TARS3: variants seen among roughly 807,000 people sequenced by gnomAD.
The protein encoded by TARS3 is threonine--tRNA ligase 2, cytoplasmic.
In TARS3, 94 loss-of-function variants were observed where a neutral mutation model predicts 103.5. The observed-to-expected ratio is 0.91, with a 90% CI of 0.77 to 1.08. The LOEUF (loss-of-function observed/expected upper bound fraction) is 1.08. Among genes scored for constraint, TARS3 ranks in the 50% least tolerant of loss-of-function variants. TARS3 has a pLI of 0.00. For missense variants in TARS3, 952 were observed against 995.2 expected (o/e 0.96, Z 0.58); for synonymous variants, 416 against 355.4 (o/e 1.17, Z -1.92).
intron 11 of TARS3, 52 bp from the exon 12 acceptor site, chr15:101,684,289 TA>T: frequency 6.9e-7 from 1 of 1,459,606 alleles, no homozygotes; most frequent in Non-Finnish European, 9.2e-7. Flanking sequence ...AAATATTAAA[TA>T]ATTATCTAAA....
rs1898362900 is a variant in TARS3, at chr15:101,684,055, C to T, written c.1650+20G>A. 3 of 1,604,892 alleles carry T rather than the reference C, an allele frequency of 1.9e-6. No individual in the cohort carries two copies. The highest frequency in any genetic ancestry group is 1.7e-6 in the Non-Finnish European group (2 of 1,174,632). On this transcript the variant is annotated intron_variant, in intron 12 of 18. Transcript: ENST00000335968. ...CACTCAATTTGTGACCACACTGCTT[C>T]ACTCTGTGTTATTGTTTACCTGCTC...
intron 10 of TARS3, among the ~76,000 whole-genome samples, chr15:101,690,761 T>C (rs1295234413): frequency 6.6e-6 from 1 of 152,192 alleles, no homozygotes; most frequent in Non-Finnish European, 1.5e-5. Context: ...TGCAGTAAAG[T>C]TTTTTTCTAT....
At chr15:101,669,812 A>G (rs1897726900) in intron 15 of TARS3, among the ~76,000 whole-genome samples, 1 of 152,256 alleles carries the variant, frequency 6.6e-6, no homozygotes, top group African/African-American at 2.4e-5. Flanking sequence ...TGATGTTCAC[A>G]CAGTGAACAA....
intron 4 of TARS3, 45 bp from the exon 5 acceptor site, chr15:101,712,046 C>A (rs751304110): frequency 1.1e-5 from 17 of 1,568,462 alleles, no homozygotes. Flanking sequence ...AAAAGTATGT[C>A]ATGGAAAATT....
intron 10 of TARS3, among the ~76,000 whole-genome samples, chr15:101,689,756 G>A (rs575686584): frequency 1.1e-4 from 16 of 152,140 alleles, no homozygotes; most frequent in Non-Finnish European, 2.1e-4. Context: ...CTCCAAAACT[G>A]GGAGATAATA....
At chr15:101,659,119 A>G (rs1450608787) in intron 16 of TARS3, among the ~76,000 whole-genome samples, 1 of 152,212 alleles carries the variant, frequency 6.6e-6, no homozygotes, top group Non-Finnish European at 1.5e-5. Context: ...ACAACATGCG[A>G]ACCTACAATT....
chr15:101,676,974 G>A (rs528320789), intron 12 of TARS3, among the ~76,000 whole-genome samples: 6 of 152,026 alleles, frequency 3.9e-5, no homozygotes, highest in South Asian at 2.1e-4. Context: ...TCTTCCCTCC[G>A]ACAGGCCCCA....
At chr15:101,661,606 CATG>C in intron 16 of TARS3, 103 bp downstream of exon 16, 1 of 720,708 alleles carries the variant, frequency 1.4e-6, no homozygotes, top group East Asian at 3.1e-5. Flanking sequence ...TTCTTTTACA[CATG>C]ATTTTTTAAG....
intron 13 of TARS3, among the ~76,000 whole-genome samples, chr15:101,673,998 G>A (rs544838637): frequency 6.6e-6 from 1 of 152,074 alleles, no homozygotes; most frequent in Admixed American, 6.5e-5. Context: ...ACCCGCAGTC[G>A]ACTGCAGTCT....
chr15:101,724,338 C>A lies in TARS3; in HGVS notation c.50G>T (p.Arg17Leu). 6.4e-7 allele frequency: 1 copy of A among 1,556,012 alleles called. No individual in the cohort carries two copies. The highest frequency in any genetic ancestry group is 8.6e-7 in the Non-Finnish European group (1 of 1,157,640). ...AAEAVASRLE[R>L]QEEDIRWLWS... ...CAGCCAGCGGATGTCCTCCTCCTGC[C>A]GCTCCAGGCGCGACGCCACGGCCTC... is the stretch of plus-strand genomic sequence containing the variant. Residue 17 changes from arginine (R) to leucine (L), a missense_variant, in exon 1 of 19, where the codon CGG becomes CTG. Physicochemically the swap from Arg to Leu is moderately radical, Grantham distance 102 (BLOSUM62 -2). Around this residue, in one of 2 missense-constraint regions of TARS3, gnomAD observed 412 missense variants for 364.2 expected, o/e 1.13. Coordinates refer to ENST00000335968, the MANE Select transcript of TARS3 (RefSeq NM_152334.3).
In TARS3 at chr15:101,724,141, C is replaced by T. The variant is rs1300751333; in HGVS notation, c.247G>A (p.Ala83Thr). 4 of 1,448,328 alleles carry T rather than the reference C, an allele frequency of 2.8e-6. No individual in the cohort carries two copies. Among genetic ancestry groups the T allele is most frequent in the Non-Finnish European group, 2.7e-6 (3 of 1,100,920 alleles). 89.7% of individuals were successfully genotyped at this position (1,448,328 alleles called of 1,614,324 possible). A position where few individuals can be genotyped will look rare whatever the true frequency, so the allele number is the denominator to read the frequency against. Residue 83 changes from alanine to threonine, a missense_variant, in exon 1 of 19, where the codon GCC (alanine) becomes ACC (threonine). Transcript: ENST00000335968. ...LCLAEERSRQ[A>T]TLESAELEAA... ...TCTAGCTCCGCGCTCTCCAGCGTGGCCTGGCGGCTCCGCTCCTCGGCGAGG... is the reference window on the plus strand; with the variant it reads ...TCTAGCTCCGCGCTCTCCAGCGTGGTCTGGCGGCTCCGCTCCTCGGCGAGG...
intron 8 of TARS3, 78 bp downstream of exon 8, chr15:101,703,781 T>G (rs894550840): frequency 1.2e-6 from 1 of 843,684 alleles, no homozygotes; most frequent in African/African-American, 1.7e-5. Context: ...AAAGATATGA[T>G]TGAATAAGAT....
At chr15:101,696,246 G>A (rs1488360026) in intron 10 of TARS3, among the ~76,000 whole-genome samples, 2 of 147,748 alleles carry the variant, frequency 1.4e-5, no homozygotes, top group East Asian at 4.0e-4. Context: ...AAAAAGAAGT[G>A]GGGCACGTTT....
intron 16 of TARS3, among the ~76,000 whole-genome samples, chr15:101,660,023 T>G (rs1383004004): frequency 6.6e-6 from 1 of 152,172 alleles, no homozygotes; most frequent in African/African-American, 2.4e-5. Context: ...AACATGGCAC[T>G]CTGACTTAAG....
At chr15:101,715,706 C>T (rs564229956) in intron 3 of TARS3, among the ~76,000 whole-genome samples, 3 of 152,256 alleles carry the variant, frequency 2.0e-5, no homozygotes, top group East Asian at 1.9e-4. Context: ...ATTAATGAAG[C>T]CTCCACTGCT....
intron 10 of TARS3, among the ~76,000 whole-genome samples, chr15:101,695,580 C>T (rs1276712164): frequency 2.1e-5 from 3 of 144,270 alleles, no homozygotes; most frequent in Admixed American, 6.9e-5. Context: ...AGTGTAGATG[C>T]GGGCATATGT....
chr15:101,656,027 A>G (rs1392255820), intron 18 of TARS3: 16 of 1,289,114 alleles, frequency 1.2e-5, no homozygotes, highest in East Asian at 5.5e-5. Context: ...CGGTCTGCAG[A>G]TAAGTGGAAT....
At chr15:101,689,250 T>C (rs1174570646) in intron 10 of TARS3, among the ~76,000 whole-genome samples, 1 of 152,132 alleles carries the variant, frequency 6.6e-6, no homozygotes, top group Non-Finnish European at 1.5e-5. Flanking sequence ...TGGGGAGCCT[T>C]TGATATCAAC....
At chr15:101,715,995 T>C (rs775887629) in intron 3 of TARS3, among the ~76,000 whole-genome samples, 1 of 152,206 alleles carries the variant, frequency 6.6e-6, no homozygotes, top group Admixed American at 6.5e-5. Flanking sequence ...ATTTTTACTT[T>C]TATGAACTAT....
Sources: allele counts gnomAD v4.1 joint callset (sites outside exome capture counted in the v4.1 genomes callset), GRCh38; gene constraint gnomAD v4.1.1; regional missense constraint gnomAD v4.1.1; transcripts MANE v1.5; gene names NCBI Gene and HGNC (gene_info 2026-07-23, HGNC 2026-07-21).